Variants in RIN3 observed in about 807,000 individuals in gnomAD.
The protein encoded by RIN3 is RAB5 interacting protein 3.
RIN3 carries 54 observed loss-of-function variants against 76.3 expected under a neutral mutation model. The ratio of observed to expected loss-of-function variants is 0.71; its 90% CI spans 0.57 to 0.89. The LOEUF (loss-of-function observed/expected upper bound fraction) is 0.89. Among genes scored for constraint, RIN3 ranks in the 40% least tolerant of loss-of-function variants. The pLI is 0.00. For missense variants in RIN3, 1,256 were observed against 1,322.1 expected, an observed-to-expected ratio of 0.95 and a Z score of 0.78; for synonymous variants, 576 against 564.0, an observed-to-expected ratio of 1.02 and a Z score of -0.30.
intron 8 of RIN3, among the ~76,000 whole-genome samples, chr14:92,680,768 C>T (rs1939294712): frequency 6.6e-6 from 1 of 152,232 alleles, no homozygotes; most frequent in African/African-American, 2.4e-5. Context: ...GGATTCTGTG[C>T]ACCTTGGGAC....
At position 92,607,848 on chromosome 14, in the gene RIN3, G is replaced by A. The variant is rs553348236; in HGVS notation, c.368-7559G>A. Among the ~76,000 whole-genome samples, 10 of 152,272 alleles carry A rather than the reference G, an allele frequency of 6.6e-5. No individual in the cohort carries two copies. In the South Asian group the frequency reaches 1.4e-3, roughly 22 times the overall value. The stretch of plus-strand genomic sequence containing the variant: ...ACAGAATATTACTCAGCAGTAAAAG[G>A]CAATGAACTGTTGATTCACGGAACA... On this transcript the variant is annotated intron_variant, in intron 3 of 9. Transcript: ENST00000216487.
intron 3 of RIN3, among the ~76,000 whole-genome samples, chr14:92,614,171 C>T (rs1307611104): frequency 6.6e-6 from 1 of 152,234 alleles, no homozygotes; most frequent in East Asian, 1.9e-4. Flanking sequence ...GCTTTGATCC[C>T]TCTTCCTTGC....
chr14:92,547,118 TTTATTA>T lies in RIN3; in HGVS notation c.45-8625_45-8620del, dbSNP rs201839067. 1.6e-4 allele frequency among the ~76,000 whole-genome samples: 14 copies of T among 88,684 alleles called. 2 individuals carry two copies. Among genetic ancestry groups the T allele is most frequent in the African/African-American group, 6.2e-4 (13 of 21,018 alleles). 58.2% of individuals were successfully genotyped at this position (88,684 alleles called of 152,430 possible). A position where few individuals can be genotyped will look rare whatever the true frequency, so the allele number is the denominator to read the frequency against. ...TTATAATTAAATAAATTATCTTTATTTTATTATTATTATAAAGTAAATTATCTTTAT... is the reference window on the plus strand; with the variant it reads ...TTATAATTAAATAAATTATCTTTATTTTATTATAAAGTAAATTATCTTTAT... On this transcript the variant is annotated intron_variant, in intron 1 of 9. Coordinates refer to ENST00000216487, the MANE Select transcript of RIN3 (RefSeq NM_024832.5).
intron 2 of RIN3, among the ~76,000 whole-genome samples, chr14:92,571,592 T>G (rs918922728): frequency 2.0e-5 from 3 of 152,116 alleles, no homozygotes; most frequent in African/African-American, 7.2e-5. Flanking sequence ...GTCCAATAAT[T>G]TGGACACTAC....
chr14:92,669,753 G>A (rs558415180), intron 7 of RIN3, among the ~76,000 whole-genome samples: 2 of 152,306 alleles, frequency 1.3e-5, no homozygotes, highest in African/African-American at 2.4e-5. Context: ...TTTGCAAATA[G>A]TTTTATTGGA....
intron 7 of RIN3, among the ~76,000 whole-genome samples, chr14:92,663,505 G>A (rs7151686): frequency 0.1 from 15,906 of 152,306 alleles, 1,077 homozygotes; most frequent in Middle Eastern, 0.22. Flanking sequence ...ACTCTGAGAC[G>A]TGAAGGTCAG....
At chr14:92,621,514 A>G (rs1383174715) in intron 4 of RIN3, among the ~76,000 whole-genome samples, 1 of 152,206 alleles carries the variant, frequency 6.6e-6, no homozygotes, top group African/African-American at 2.4e-5. Flanking sequence ...GGTTTGTTTC[A>G]GAAAGGTGGG....
chr14:92,587,065 C>T (rs919838370), intron 3 of RIN3, among the ~76,000 whole-genome samples: 4 of 152,158 alleles, frequency 2.6e-5, no homozygotes, highest in Non-Finnish European at 4.4e-5. Flanking sequence ...AGGTGGGATT[C>T]GGCCAGGTCA....
At chr14:92,546,280 G>A (rs61409971) in intron 1 of RIN3, among the ~76,000 whole-genome samples, 43,506 of 152,064 alleles carry the variant, frequency 0.29, 6,757 homozygotes, top group Middle Eastern at 0.4. Flanking sequence ...GGGGGTGCAT[G>A]TGATCTTCTG....
intron 3 of RIN3, among the ~76,000 whole-genome samples, chr14:92,584,523 C>T (rs2140068874): frequency 6.6e-6 from 1 of 152,256 alleles, no homozygotes; most frequent in South Asian, 2.1e-4. Context: ...CTCCTGCATC[C>T]CCAGTCCTCC....
At chr14:92,544,145 C>T (rs1325180854) in intron 1 of RIN3, among the ~76,000 whole-genome samples, 3 of 152,114 alleles carry the variant, frequency 2.0e-5, no homozygotes, top group African/African-American at 7.2e-5. Context: ...CCCTGCTTTA[C>T]ACAAGAGGAC....
At chr14:92,673,137 A>G (rs1363489535) in intron 7 of RIN3, among the ~76,000 whole-genome samples, 1 of 152,126 alleles carries the variant, frequency 6.6e-6, no homozygotes. Context: ...AAAAAGGAAA[A>G]AAAAAATAGC....
intron 2 of RIN3, among the ~76,000 whole-genome samples, chr14:92,558,155 C>T (rs1897653576): frequency 6.6e-6 from 1 of 152,186 alleles, no homozygotes; most frequent in African/African-American, 2.4e-5. Flanking sequence ...TCAAGACCAG[C>T]CTGGGCAACA....
intron 8 of RIN3, 70 bp from the exon 9 acceptor site, chr14:92,684,917 C>A (rs938590211): frequency 6.6e-7 from 1 of 1,518,820 alleles, no homozygotes; most frequent in Non-Finnish European, 9.0e-7. Flanking sequence ...GTGGGTGGGG[C>A]AGGCCAAGCT....
At chr14:92,635,444 G>A (rs1443678655) in intron 4 of RIN3, among the ~76,000 whole-genome samples, 2 of 152,182 alleles carry the variant, frequency 1.3e-5, no homozygotes, top group African/African-American at 4.8e-5. Context: ...TTGATGGAGT[G>A]TAAATAGGAG....
chr14:92,557,847 G>A (rs1211784561), intron 2 of RIN3, among the ~76,000 whole-genome samples: 7 of 152,242 alleles, frequency 4.6e-5, no homozygotes, highest in African/African-American at 1.4e-4. Flanking sequence ...GATGCAGCTC[G>A]AAACCAGCCC....
intron 1 of RIN3, among the ~76,000 whole-genome samples, chr14:92,544,076 C>G (rs1390519688): frequency 6.6e-6 from 1 of 152,082 alleles, no homozygotes; most frequent in African/African-American, 2.4e-5. Flanking sequence ...GGGCTGGGTT[C>G]TTTAGTTACA....
At chr14:92,630,417 AG>A (rs1275775164) in intron 4 of RIN3, among the ~76,000 whole-genome samples, 1 of 152,178 alleles carries the variant, frequency 6.6e-6, no homozygotes, top group Non-Finnish European at 1.5e-5. Context: ...GCTTGAACCC[AG>A]GAGGCAGAGG....
chr14:92,597,841 T>A (rs1477976424), intron 3 of RIN3, among the ~76,000 whole-genome samples: 1 of 152,200 alleles, frequency 6.6e-6, no homozygotes, highest in African/African-American at 2.4e-5. Context: ...ACGCAAAATA[T>A]TTACTGAGAC....
Sources: allele counts gnomAD v4.1 joint callset (sites outside exome capture counted in the v4.1 genomes callset), GRCh38; gene constraint gnomAD v4.1.1; transcripts MANE v1.5; gene names NCBI Gene and HGNC (gene_info 2026-07-23, HGNC 2026-07-21).